STARD13: variants seen among roughly 807,000 people sequenced by gnomAD.
The protein encoded by STARD13 is stAR-related lipid transfer protein 13.
Under a neutral mutation model 106.4 loss-of-function variants are expected in STARD13, and 62 were observed. That is an observed-to-expected ratio of 0.58 (90% CI 0.48 to 0.72). The LOEUF (loss-of-function observed/expected upper bound fraction) is 0.72. Among genes scored for constraint, STARD13 ranks in the 30% least tolerant of loss-of-function variants. STARD13 has a pLI of 0.00. For synonymous variants in STARD13, 565 were observed against 553.0 expected (o/e 1.02, Z -0.31); for missense variants, 1,387 against 1,424.0 (o/e 0.97, Z 0.42).
At chr13:33,251,315 G>C (rs889173000) in intron 1 of STARD13, among the ~76,000 whole-genome samples, 6 of 152,184 alleles carry the variant, frequency 3.9e-5, no homozygotes. Context: ...CTGTGGCTCT[G>C]AGCCATTTTT....
intron 1 of STARD13, among the ~76,000 whole-genome samples, chr13:33,168,890 G>A (rs1359704870): frequency 1.3e-5 from 2 of 152,186 alleles, no homozygotes; most frequent in African/African-American, 2.4e-5. Context: ...AAACCCTACC[G>A]CCTAGTTCCA....
At chr13:33,382,553 C>A in the STARD13 span, among the ~76,000 whole-genome samples, 5 of 152,106 alleles carry the variant, frequency 3.3e-5, no homozygotes, top group African/African-American at 1.2e-4. Context: ...TGATTCTGCT[C>A]GATATTGCAT....
the STARD13 span, among the ~76,000 whole-genome samples, chr13:33,470,646 G>A: frequency 2.0e-5 from 3 of 152,154 alleles, no homozygotes; most frequent in Admixed American, 6.5e-5. Context: ...TCTCATTGTG[G>A]TTTTGATTTG....
chr13:33,245,091 A>G (rs570960869), intron 1 of STARD13, among the ~76,000 whole-genome samples: 22 of 152,244 alleles, frequency 1.4e-4, no homozygotes, highest in Non-Finnish European at 3.1e-4. Flanking sequence ...CCTTGCTCTT[A>G]GAAATAAAAG....
rs143709951 is a variant in STARD13 at position 33,262,090 on chromosome 13, C to A, written c.169+23380G>T. Reference sequence around the variant, plus strand: ...AAGCTGAGAAGCAAAACAGACTAAGCGGGCAAAGCCAAGTCTTTCACTGGA... The same window carrying A: ...AAGCTGAGAAGCAAAACAGACTAAGAGGGCAAAGCCAAGTCTTTCACTGGA... On this transcript the variant is annotated intron_variant, in intron 1 of 13. Transcript: ENST00000336934. Among the ~76,000 whole-genome samples the A allele has an allele frequency of 4.5e-4, 68 of 152,290 alleles. 1 individual carries two copies. In the East Asian group the frequency reaches 0.013, roughly 29 times the overall value.
At chr13:33,572,210 C>G in the STARD13 span, among the ~76,000 whole-genome samples, 1 of 152,060 alleles carries the variant, frequency 6.6e-6, no homozygotes, top group Non-Finnish European at 1.5e-5. Context: ...CTAAAGTTGC[C>G]TCCTTACATA....
chr13:33,207,983 A>G (rs1887511915), intron 1 of STARD13, among the ~76,000 whole-genome samples: 1 of 152,210 alleles, frequency 6.6e-6, no homozygotes, highest in Non-Finnish European at 1.5e-5. Flanking sequence ...CCCTACTTCC[A>G]TAATAGTTTC....
intron 1 of STARD13, among the ~76,000 whole-genome samples, chr13:33,294,693 A>T (rs569702567): frequency 4.6e-5 from 7 of 152,298 alleles, no homozygotes; most frequent in African/African-American, 1.4e-4. Context: ...AATTGCTTAG[A>T]TTACTAGAGG....
intron 1 of STARD13, among the ~76,000 whole-genome samples, chr13:33,258,527 C>G (rs554892816): frequency 6.6e-6 from 1 of 151,890 alleles, no homozygotes; most frequent in Non-Finnish European, 1.5e-5. Context: ...TTTGCACGCT[C>G]TCTAGCTGGA....
At chr13:33,140,845 G>T (rs923441560) in intron 4 of STARD13, among the ~76,000 whole-genome samples, 2 of 149,406 alleles carry the variant, frequency 1.3e-5, no homozygotes, top group Non-Finnish European at 3.0e-5. Context: ...TGCAACCTCC[G>T]CCTCCCGGGT....
the STARD13 span, among the ~76,000 whole-genome samples, chr13:33,633,682 T>C: frequency 1.1e-4 from 16 of 152,228 alleles, no homozygotes; most frequent in African/African-American, 3.9e-4. Flanking sequence ...TGTACTTTCC[T>C]CTCAGGCTGG....
At chr13:33,247,277 G>A (rs770056512) in intron 1 of STARD13, among the ~76,000 whole-genome samples, 38 of 151,790 alleles carry the variant, frequency 2.5e-4, no homozygotes, top group Non-Finnish European at 3.2e-4. Context: ...GAGAAAGTGC[G>A]GCTTGGTTTG....
the STARD13 span, among the ~76,000 whole-genome samples, chr13:33,420,185 T>C: frequency 1.3e-5 from 2 of 152,108 alleles, no homozygotes; most frequent in African/African-American, 4.8e-5. Flanking sequence ...TCAAGACCCA[T>C]TACTGTGCTG....
At chr13:33,373,500 C>T in the STARD13 span, among the ~76,000 whole-genome samples, 1 of 152,006 alleles carries the variant, frequency 6.6e-6, no homozygotes, top group African/African-American at 2.4e-5. Context: ...TAAGAAAGGA[C>T]ACTGCAGAGA....
chr13:33,136,320 C>A (rs950463082), intron 4 of STARD13, among the ~76,000 whole-genome samples: 4 of 152,156 alleles, frequency 2.6e-5, no homozygotes, highest in African/African-American at 9.7e-5. Flanking sequence ...CAATAAAAAT[C>A]TGAACAGTTT....
At chr13:33,616,457 G>A in the STARD13 span, among the ~76,000 whole-genome samples, 1 of 152,152 alleles carries the variant, frequency 6.6e-6, no homozygotes, top group African/African-American at 2.4e-5. Flanking sequence ...TTCTCTGAAT[G>A]GGAATCTCAG....
Position 33,343,415 on chromosome 13 carries a change from ACAAAAATG to A in STARD13, c.124+6867_124+6874del, listed in dbSNP as rs1291696286. On this transcript the variant is annotated intron_variant, in intron 1 of 5. Coordinates refer to the STARD13 transcript ENST00000567873. ...GGCAACATGAAGAAACCCCATCTCT[ACAAAAATG>A]CAAAAATTAGCCAGGAGTGGTGACG... is the stretch of plus-strand genomic sequence containing the variant. 2.6e-5 allele frequency among the ~76,000 whole-genome samples: 4 copies of A among 151,318 alleles called. No homozygotes were observed. The East Asian group carries it at 7.8e-4, about 30-fold the overall frequency.
At chr13:33,112,999 G>A in intron 8 of STARD13, 68 bp from the exon 9 acceptor site, 1 of 1,235,118 alleles carries the variant, frequency 8.1e-7, no homozygotes. Context: ...GAAGCACTGT[G>A]TAAGCTCCAC....
chr13:33,370,619 C>CTT, the STARD13 span, among the ~76,000 whole-genome samples: 140 of 131,598 alleles, frequency 1.1e-3, 2 homozygotes, highest in African/African-American at 3.2e-3. Flanking sequence ...TTCTTTCTTT[C>CTT]TTTTTTTTTT....
Sources: allele counts gnomAD v4.1 joint callset (sites outside exome capture counted in the v4.1 genomes callset), GRCh38; gene constraint gnomAD v4.1.1; transcripts MANE v1.5; gene names NCBI Gene and HGNC (gene_info 2026-07-23, HGNC 2026-07-21).